PAX3: variants seen among roughly 807,000 people sequenced by gnomAD.
The protein encoded by PAX3 is paired box 3.
Under a neutral mutation model 51.6 loss-of-function variants are expected in PAX3, and 14 were observed. That is an observed-to-expected ratio of 0.27 (90% CI 0.18 to 0.42). The LOEUF (loss-of-function observed/expected upper bound fraction) is 0.42, where lower values mean the gene tolerates loss of function less well. PAX3 is among the 10% of genes least tolerant of loss of function. The pLI is 1.00. For missense variants in PAX3, 540 were observed against 642.8 expected, an observed-to-expected ratio of 0.84 and a Z score of 1.73; for synonymous variants, 280 against 253.4, an observed-to-expected ratio of 1.11 and a Z score of -1.00.
chr2:222,202,299 G>T (rs2106034437), intron 7 of PAX3, 109 bp from the exon 8 acceptor site: 2 of 899,016 alleles, frequency 2.2e-6, no homozygotes, highest in South Asian at 1.4e-5. Flanking sequence ...TTTGGAAATT[G>T]GTTAAAGAGC....
intron 5 of PAX3, among the ~76,000 whole-genome samples, chr2:222,231,825 C>T (rs1178156790): frequency 1.3e-5 from 2 of 152,190 alleles, no homozygotes; most frequent in East Asian, 3.8e-4. Flanking sequence ...CCCCAAAGTC[C>T]ATATAGTGCT....
intron 8 of PAX3, 177 bp downstream of exon 8, chr2:222,201,767 A>T: frequency 6.7e-7 from 1 of 1,488,976 alleles, no homozygotes; most frequent in Non-Finnish European, 8.9e-7. Context: ...ACATCAGTTA[A>T]GAAAATAATT....
intron 4 of PAX3, among the ~76,000 whole-genome samples, chr2:222,284,904 A>G (rs1694781059): frequency 6.6e-6 from 1 of 152,234 alleles, no homozygotes; most frequent in Non-Finnish European, 1.5e-5. Flanking sequence ...GTCACAACTA[A>G]AATGTGCTTG....
chr2:222,271,103 A>G (rs548624792), intron 4 of PAX3, among the ~76,000 whole-genome samples: 12 of 152,338 alleles, frequency 7.9e-5, no homozygotes, highest in Non-Finnish European at 1.5e-4. Context: ...GAGGTAGTGG[A>G]GCAAATATTA....
chr2:222,244,869 C>T (rs1410465955), intron 4 of PAX3, among the ~76,000 whole-genome samples: 1 of 151,978 alleles, frequency 6.6e-6, no homozygotes, highest in Non-Finnish European at 1.5e-5. Flanking sequence ...AAAATTAGGC[C>T]GAGTGTGGTG....
rs530413401 is a variant in PAX3 at position 222,283,518 on chromosome 2, T to A, written c.586+10649A>T. Among the ~76,000 whole-genome samples the A allele has an allele frequency of 4.3e-4, 65 of 152,332 alleles. 1 individual carries two copies. The highest frequency in any genetic ancestry group is 1.5e-3 in the African/African-American group (63 of 41,574). On this transcript the variant is annotated intron_variant, in intron 4 of 8. Coordinates refer to ENST00000392070, the MANE Select transcript of PAX3 (RefSeq NM_181458.4). ...AAAAATAAATACGATAATTTTTTTT[T>A]AATCTGACAAAGTATATATTTCACT...
At chr2:222,270,755 T>C (rs1249502073) in intron 4 of PAX3, among the ~76,000 whole-genome samples, 2 of 152,234 alleles carry the variant, frequency 1.3e-5, no homozygotes, top group African/African-American at 2.4e-5. Context: ...AAAAGACTTA[T>C]TTTGCCCAAA....
rs776176860 is a variant in PAX3, at chr2:222,220,198, G to A, written c.1115C>T (p.Pro372Leu). Residue 372 changes from proline (P) to leucine (L), a missense_variant, in exon 7 of 9, where the codon CCT becomes CTT. By Grantham distance (98) the Pro-to-Leu change is moderately conservative (BLOSUM62 -3). Transcript: ENST00000392070. ...CATGGGGTTGGAGGGCCCCGACGGAGGCACAAAGCTGTCTGTATAGCTGGA... is the reference window on the plus strand; with the variant it reads ...CATGGGGTTGGAGGGCCCCGACGGAAGCACAAAGCTGTCTGTATAGCTGGA... ...GFSSYTDSFV[P>L]PSGPSNPMNP... 39 of 1,613,838 alleles carry A rather than the reference G, an allele frequency of 2.4e-5. No homozygotes were observed. In the South Asian group the frequency reaches 4.2e-4, roughly 17 times the overall value.
At chr2:222,267,638 C>T (rs1694099637) in intron 4 of PAX3, among the ~76,000 whole-genome samples, 1 of 151,848 alleles carries the variant, frequency 6.6e-6, no homozygotes, top group African/African-American at 2.4e-5. Flanking sequence ...TATTTTTTCC[C>T]AAGACACCTA....
intron 4 of PAX3, among the ~76,000 whole-genome samples, chr2:222,255,289 G>A (rs1299156991): frequency 7.2e-6 from 1 of 138,600 alleles, no homozygotes; most frequent in Admixed American, 7.1e-5. Context: ...GAAAATGCCT[G>A]CCCTGCCTAA....
At chr2:222,261,494 T>C (rs1218421401) in intron 4 of PAX3, among the ~76,000 whole-genome samples, 1 of 151,924 alleles carries the variant, frequency 6.6e-6, no homozygotes, top group Non-Finnish European at 1.5e-5. Flanking sequence ...AAATTCTACA[T>C]TAGGAGGAAA....
intron 4 of PAX3, among the ~76,000 whole-genome samples, chr2:222,283,153 T>G (rs1344140765): frequency 6.6e-6 from 1 of 152,242 alleles, no homozygotes; most frequent in African/African-American, 2.4e-5. Context: ...GAAAACAATC[T>G]ACATGTTGTT....
intron 8 of PAX3, 46 bp downstream of exon 8, chr2:222,201,898 A>T: frequency 6.2e-7 from 1 of 1,613,678 alleles, no homozygotes; most frequent in Non-Finnish European, 8.5e-7. Context: ...AGTTGAGTTT[A>T]TCTCCCTTCC....
chr2:222,228,760 C>A (rs1692474854), intron 5 of PAX3, among the ~76,000 whole-genome samples: 1 of 152,014 alleles, frequency 6.6e-6, no homozygotes. Flanking sequence ...CATAGCAAGA[C>A]CCCAGCTCTA....
At position 222,253,916 on chromosome 2, in the gene PAX3, A is replaced by T. The variant is rs890151003; in HGVS notation, c.587-21633T>A. Among the ~76,000 whole-genome samples, 3 of 152,096 alleles carry T rather than the reference A, an allele frequency of 2.0e-5. No individual in the cohort carries two copies. In the East Asian group the frequency reaches 5.8e-4, roughly 29 times the overall value. ...GCAATCCTCCTGCCTTGGCCTCCCAAAGTGGCTGGGAATATAGACATGAGC... is the reference window on the plus strand; with the variant it reads ...GCAATCCTCCTGCCTTGGCCTCCCATAGTGGCTGGGAATATAGACATGAGC... On this transcript the variant is annotated intron_variant, in intron 4 of 8. Coordinates refer to ENST00000392070, the MANE Select transcript of PAX3 (RefSeq NM_181458.4).
rs558821141 is a variant in PAX3 at position 222,281,230 on chromosome 2, T to C, written c.586+12937A>G. ...CTCAACTTGAAATTGACTTTCAGCTTTCTTTAGAAATGGTCTCAGAGGGTG... is the reference window on the plus strand; with the variant it reads ...CTCAACTTGAAATTGACTTTCAGCTCTCTTTAGAAATGGTCTCAGAGGGTG... On this transcript the variant is annotated intron_variant, in intron 4 of 8. Transcript: ENST00000392070. Among the ~76,000 whole-genome samples the C allele has an allele frequency of 3.3e-5, 5 of 152,330 alleles. No individual in the cohort carries two copies. In the South Asian group the frequency reaches 8.3e-4, roughly 25 times the overall value.
chr2:222,254,168 T>G (rs1214715962), intron 4 of PAX3, among the ~76,000 whole-genome samples: 1 of 151,950 alleles, frequency 6.6e-6, no homozygotes, highest in East Asian at 1.9e-4. Flanking sequence ...TAAAAAAAAG[T>G]TTCACTTTAA....
At chr2:222,273,000 A>G (rs1230487615) in intron 4 of PAX3, among the ~76,000 whole-genome samples, 1 of 152,196 alleles carries the variant, frequency 6.6e-6, no homozygotes, top group Non-Finnish European at 1.5e-5. Context: ...TTCATTGTGA[A>G]AGAAAATCCC....
chr2:222,229,622 C>T (rs944928864), intron 5 of PAX3, among the ~76,000 whole-genome samples: 2 of 152,180 alleles, frequency 1.3e-5, no homozygotes, highest in African/African-American at 2.4e-5. Flanking sequence ...CAAATGTGAG[C>T]TCACTGGCCT....
Sources: gnomAD v4.1 joint callset for allele counts (sites outside exome capture counted in the v4.1 genomes callset) on GRCh38, gnomAD v4.1.1 for gene constraint, MANE v1.5 for transcripts, NCBI Gene and HGNC (gene_info 2026-07-23, HGNC 2026-07-21) for gene names.